Variants in TRAIP observed in about 807,000 individuals in gnomAD.
TRAIP encodes the protein E3 ubiquitin-protein ligase TRAIP.
In TRAIP, 37 loss-of-function variants were observed where a neutral mutation model predicts 65.0. The observed-to-expected ratio is 0.57, with a 90% CI of 0.44 to 0.75. TRAIP has a LOEUF of 0.75. Among genes scored for constraint, TRAIP ranks in the 30% least tolerant of loss-of-function variants. The probability of loss-of-function intolerance (pLI) is 0.00; values close to 1 mark genes in which losing one functional copy is unlikely to be tolerated. For missense variants in TRAIP, 481 were observed against 579.4 expected (o/e 0.83, Z 1.74); for synonymous variants, 187 against 219.1 (o/e 0.85, Z 1.29).
intron 6 of TRAIP, 82 bp downstream of exon 6, chr3:49,842,371 C>G: frequency 7.1e-7 from 1 of 1,399,554 alleles, no homozygotes; most frequent in Non-Finnish European, 1.0e-6. Context: ...CCCAATCCCA[C>G]TCCCTGCTGC....
Position 49,828,814 on chromosome 3 carries a change from A to G in TRAIP, c.*289T>C, listed in dbSNP as rs1008044432. ...GTGACCGTGGTCTCCAGGCCCAGAAAGAGTCTGACCACATCTGATCATGGC... is the reference window on the plus strand; with the variant it reads ...GTGACCGTGGTCTCCAGGCCCAGAAGGAGTCTGACCACATCTGATCATGGC... On this transcript the variant is annotated 3_prime_UTR_variant, in exon 15 of 15. Coordinates refer to ENST00000331456, the MANE Select transcript of TRAIP (RefSeq NM_005879.3). The G allele has an allele frequency of 1.1e-5, 4 of 365,168 alleles. No homozygotes were observed. The highest frequency in any genetic ancestry group is 2.1e-5 in the Non-Finnish European group (4 of 188,850). 22.6% of individuals were successfully genotyped at this position (365,168 alleles called of 1,614,324 possible). A position where few individuals can be genotyped will look rare whatever the true frequency, so the allele number is the denominator to read the frequency against.
chr3:49,844,130 C>T (rs2081863256), intron 4 of TRAIP: 1 of 664,660 alleles, frequency 1.5e-6, no homozygotes, highest in Non-Finnish European at 2.5e-6. Flanking sequence ...GGGAAAAGCC[C>T]ACCTTCTGCT....
chr3:49,852,786 C>T (rs1162103186), intron 1 of TRAIP, among the ~76,000 whole-genome samples: 1 of 151,256 alleles, frequency 6.6e-6, no homozygotes, highest in Non-Finnish European at 1.5e-5. Context: ...AGAAATTGCT[C>T]TACACGTTAA....
intron 8 of TRAIP, chr3:49,840,623 C>A: frequency 3.6e-6 from 2 of 562,020 alleles, no homozygotes; most frequent in Admixed American, 3.1e-5. Flanking sequence ...CTGTGCTGAC[C>A]GAATCAGGTT....
In TRAIP at chr3:49,831,997, G is replaced by A. The variant is rs1233614986; in HGVS notation, c.956C>T (p.Thr319Ile). Residue 319 changes from threonine (T) to isoleucine (I), a missense_variant, in exon 11 of 15, where the codon ACC becomes ATC. Physicochemically the swap from Thr to Ile is moderately conservative, Grantham distance 89. Coordinates refer to ENST00000331456, the MANE Select transcript of TRAIP (RefSeq NM_005879.3). The part of the protein sequence containing the change: ...SFRDDIDLNA[T>I]FDVDTPPARP... Reference sequence around the variant, plus strand: ...GGCTGGGGGAGTATCCACATCAAAGGTAGCATTGAGATCAATATCATCACG... The same window carrying A: ...GGCTGGGGGAGTATCCACATCAAAGATAGCATTGAGATCAATATCATCACG... 1.2e-6 allele frequency: 2 copies of A among 1,608,416 alleles called. No homozygotes were observed. Among genetic ancestry groups the A allele is most frequent in the Admixed American group, 1.7e-5 (1 of 59,228 alleles).
chr3:49,847,525 C>G lies in TRAIP; in HGVS notation c.240G>C (p.Lys80Asn). Residue 80 changes from lysine to asparagine, a missense_variant and splice_region_variant, in exon 3 of 15, where the codon AAG (lysine) becomes AAC (asparagine). Lys to Asn is a moderately conservative substitution (Grantham distance 94). Coordinates refer to ENST00000331456, the MANE Select transcript of TRAIP (RefSeq NM_005879.3). ...GTAGAATCAGATAAATTCTGGGTAC[C>G]TTTAAGAATTCTGCATCCAAGACAT... ...EENVLDAEFL[K>N]NELDNVRAQL... 1 of 1,603,320 alleles carries G rather than the reference C, an allele frequency of 6.2e-7. No individual in the cohort carries two copies. The highest frequency in any genetic ancestry group is 8.5e-7 in the Non-Finnish European group (1 of 1,173,846).
rs766854245 is a variant in TRAIP at position 49,848,091 on chromosome 3, C to G, written c.156+52G>C. ...TCAGAGCTCTTTTCACATTCCTGCT[C>G]TCTGCTAAGGAGATCTCTTCAGTTG... On this transcript the variant is annotated intron_variant, in intron 2 of 14. Transcript: ENST00000331456. 6.9e-6 allele frequency: 11 copies of G among 1,599,056 alleles called. No homozygotes were observed. In the South Asian group the frequency reaches 1.1e-4, roughly 16 times the overall value.
At chr3:49,848,625 A>G (rs1394741830) in intron 1 of TRAIP, among the ~76,000 whole-genome samples, 1 of 152,240 alleles carries the variant, frequency 6.6e-6, no homozygotes, top group Non-Finnish European at 1.5e-5. Context: ...GATATAAGGA[A>G]TAAAATCTAG....
At chr3:49,844,670 T>A (rs1480262009) in intron 3 of TRAIP, 90 bp from the exon 4 acceptor site, 1 of 1,491,384 alleles carries the variant, frequency 6.7e-7, no homozygotes, top group Non-Finnish European at 9.3e-7. Flanking sequence ...GCCCCAGGAT[T>A]GAACAATGAG....
At chr3:49,832,714 G>GC (rs2081746802) in intron 10 of TRAIP, among the ~76,000 whole-genome samples, 5 of 117,648 alleles carry the variant, frequency 4.2e-5, no homozygotes, top group African/African-American at 1.5e-4. Context: ...GGGGGGGGGG[G>GC]GGTGGGGGGT....
At chr3:49,852,789 C>T (rs776425342) in intron 1 of TRAIP, among the ~76,000 whole-genome samples, 2 of 151,448 alleles carry the variant, frequency 1.3e-5, no homozygotes, top group African/African-American at 2.4e-5. Flanking sequence ...AATTGCTCTA[C>T]ACGTTAAAGA....
intron 6 of TRAIP, 66 bp from the exon 7 acceptor site, chr3:49,842,005 C>G: frequency 7.8e-7 from 1 of 1,287,956 alleles, no homozygotes; most frequent in South Asian, 1.2e-5. Flanking sequence ...CCCAGTGCCG[C>G]TCTGCCTTCC....
intron 1 of TRAIP, 56 bp downstream of exon 1, chr3:49,856,285 GAGGCCCAACACCTCA>G: frequency 7.3e-7 from 1 of 1,365,096 alleles, no homozygotes; most frequent in Non-Finnish European, 1.0e-6. Flanking sequence ...GGACCGCCTG[GAGGCCCAACACCTCA>G]AGGCCCTGAA....
intron 5 of TRAIP, chr3:49,843,304 A>G (rs1037138115): frequency 6.5e-6 from 1 of 154,158 alleles, no homozygotes; most frequent in East Asian, 1.9e-4. Flanking sequence ...TGCAAAATTC[A>G]TCTGGGTCTA....
chr3:49,844,040 C>A, intron 4 of TRAIP, 112 bp from the exon 5 acceptor site: 1 of 1,437,242 alleles, frequency 7.0e-7, no homozygotes, highest in Non-Finnish European at 9.4e-7. Context: ...AGAAACAAGG[C>A]TCAGGCCTGA....
intron 10 of TRAIP, among the ~76,000 whole-genome samples, chr3:49,834,238 C>T (rs1462065711): frequency 6.6e-6 from 1 of 152,140 alleles, no homozygotes; most frequent in Non-Finnish European, 1.5e-5. Context: ...AACATTGACT[C>T]TGTAGTTGGG....
At chr3:49,840,467 C>T (rs1016419897) in intron 8 of TRAIP, 94 bp from the exon 9 acceptor site, 1 of 1,028,516 alleles carries the variant, frequency 9.7e-7, no homozygotes, top group Non-Finnish European at 1.5e-6. Flanking sequence ...CAAGGTAGCC[C>T]AGAAGAGACT....
intron 1 of TRAIP, among the ~76,000 whole-genome samples, chr3:49,850,050 T>A (rs2081917827): frequency 6.6e-6 from 1 of 151,754 alleles, no homozygotes; most frequent in African/African-American, 2.4e-5. Context: ...GTACAACATA[T>A]AATCAAGAGT....
At chr3:49,843,763 C>G in intron 5 of TRAIP, 38 bp downstream of exon 5, 1 of 1,595,752 alleles carries the variant, frequency 6.3e-7, no homozygotes, top group Non-Finnish European at 8.6e-7. Flanking sequence ...GGCAATACCT[C>G]CCTATGAATT....
Sources: gnomAD v4.1 joint callset for allele counts (sites outside exome capture counted in the v4.1 genomes callset) on GRCh38, gnomAD v4.1.1 for gene constraint, MANE v1.5 for transcripts, NCBI Gene and HGNC (gene_info 2026-07-23, HGNC 2026-07-21) for gene names.